Variants in B3GAT2 observed in about 807,000 individuals in gnomAD.
B3GAT2 encodes the protein beta-1,3-glucuronyltransferase 2.
B3GAT2 carries 26 observed loss-of-function variants against 27.8 expected under a neutral mutation model. The ratio of observed to expected loss-of-function variants is 0.93; its 90% CI spans 0.68 to 1.30. The LOEUF is 1.30. Among genes scored for constraint, B3GAT2 ranks in the 50% most tolerant of loss-of-function variants. The probability of loss-of-function intolerance (pLI) is 0.00; values close to 1 mark genes in which losing one functional copy is unlikely to be tolerated. For synonymous variants in B3GAT2, 218 were observed against 195.1 expected (o/e 1.12, Z -0.98); for missense variants, 458 against 459.0 (o/e 1.00, Z 0.02).
intron 1 of B3GAT2, among the ~76,000 whole-genome samples, chr6:70,909,332 CAT>C (rs1315399741): frequency 1.3e-5 from 2 of 152,206 alleles, no homozygotes; most frequent in East Asian, 1.9e-4. Flanking sequence ...ATTTTAATAA[CAT>C]AGATGGGATA....
At chr6:70,875,191 A>G (rs909368887) in intron 2 of B3GAT2, among the ~76,000 whole-genome samples, 2 of 152,108 alleles carry the variant, frequency 1.3e-5, no homozygotes, top group African/African-American at 4.8e-5. Context: ...TCCCAGTACC[A>G]CATTATAGGT....
At chr6:70,880,578 C>T (rs1772085791) in intron 2 of B3GAT2, among the ~76,000 whole-genome samples, 3 of 150,600 alleles carry the variant, frequency 2.0e-5, no homozygotes, top group Admixed American at 2.0e-4. Flanking sequence ...GCCTCGAATC[C>T]CCTGGGCTCA....
intron 1 of B3GAT2, among the ~76,000 whole-genome samples, chr6:70,944,433 T>TAGCTC (rs1215565314): frequency 4.1e-4 from 16 of 39,232 alleles, no homozygotes; most frequent in African/African-American, 1.9e-3. Flanking sequence ...ATCCCACACA[T>TAGCTC]GGCGCCCACG....
chr6:70,911,385 C>T (rs1008230468), intron 1 of B3GAT2, among the ~76,000 whole-genome samples: 8 of 152,066 alleles, frequency 5.3e-5, no homozygotes, highest in Admixed American at 2.6e-4. Context: ...CGATCCATCC[C>T]GAATCACTTA....
At chr6:70,889,020 G>A (rs1227278879) in intron 2 of B3GAT2, among the ~76,000 whole-genome samples, 1 of 152,158 alleles carries the variant, frequency 6.6e-6, no homozygotes, top group African/African-American at 2.4e-5. Flanking sequence ...AAAACTCCTT[G>A]AGGCGAGGGG....
chr6:70,870,565 A>AG (rs1771918148), intron 2 of B3GAT2, among the ~76,000 whole-genome samples: 1 of 151,994 alleles, frequency 6.6e-6, no homozygotes, highest in South Asian at 2.1e-4. Context: ...AGAAAAAAAA[A>AG]GAGTTTTCCT....
intron 1 of B3GAT2, among the ~76,000 whole-genome samples, chr6:70,898,099 C>T (rs1191449615): frequency 6.6e-6 from 1 of 152,116 alleles, no homozygotes; most frequent in Non-Finnish European, 1.5e-5. Flanking sequence ...TGTTATAGAT[C>T]CTTTTTATTT....
intron 1 of B3GAT2, among the ~76,000 whole-genome samples, chr6:70,901,258 G>A (rs925913513): frequency 2.6e-5 from 4 of 152,086 alleles, no homozygotes; most frequent in East Asian, 1.9e-4. Context: ...GGGTAACATC[G>A]ATAGTCATAA....
chr6:70,952,918 TG>T (rs1483198098), intron 1 of B3GAT2, among the ~76,000 whole-genome samples: 1 of 152,222 alleles, frequency 6.6e-6, no homozygotes, highest in African/African-American at 2.4e-5. Context: ...GAACACAGAT[TG>T]CCTGTTGCGT....
chr6:70,878,956 T>C (rs1401056999), intron 2 of B3GAT2, among the ~76,000 whole-genome samples: 1 of 152,046 alleles, frequency 6.6e-6, no homozygotes, highest in Non-Finnish European at 1.5e-5. Context: ...CAGCAGGCAT[T>C]GAAATATACC....
Position 70,856,808 on chromosome 6 carries a change from G to T in B3GAT2, c.*4855C>A. 6.7e-7 allele frequency: 1 copy of T among 1,497,458 alleles called. No individual in the cohort carries two copies. Among genetic ancestry groups the T allele is most frequent in the Non-Finnish European group, 9.0e-7 (1 of 1,116,098 alleles). 92.8% of individuals were successfully genotyped at this position (1,497,458 alleles called of 1,614,324 possible). A position where few individuals can be genotyped will look rare whatever the true frequency, so the allele number is the denominator to read the frequency against. On this transcript the variant is annotated 3_prime_UTR_variant, in exon 4 of 4. Coordinates refer to ENST00000230053, the MANE Select transcript of B3GAT2 (RefSeq NM_080742.3). ...TATTTGGATTTTAAGTAATGGATAA[G>T]CTGCGCTTTACTATGCAGAATTTGA...
intron 1 of B3GAT2, among the ~76,000 whole-genome samples, chr6:70,904,250 T>C (rs192820817): frequency 8.5e-5 from 13 of 152,264 alleles, no homozygotes; most frequent in Admixed American, 2.6e-4. Flanking sequence ...CAAAAGGTCA[T>C]AGGTGACAGG....
At chr6:70,889,543 G>C (rs1562219624) in intron 2 of B3GAT2, among the ~76,000 whole-genome samples, 1 of 152,142 alleles carries the variant, frequency 6.6e-6, no homozygotes, top group Non-Finnish European at 1.5e-5. Flanking sequence ...GCCGACAGAA[G>C]ACAAGTATAA....
At chr6:70,954,915 C>CGT (rs538142193) in intron 1 of B3GAT2, among the ~76,000 whole-genome samples, 2 of 114,960 alleles carry the variant, frequency 1.7e-5, no homozygotes, top group Admixed American at 8.7e-5. Flanking sequence ...CCGGGGGCGG[C>CGT]GGGGGGGGGC....
At position 70,857,966 on chromosome 6, in the gene B3GAT2, C is replaced by T. The variant is rs779152913; in HGVS notation, c.*3697G>A. ...AAATATACCATTTACCTCACAAGCA[C>T]CAGCTGCATTTCAGGGCTTTCCATC... On this transcript the variant is annotated 3_prime_UTR_variant, in exon 4 of 4. Coordinates refer to ENST00000230053, the MANE Select transcript of B3GAT2 (RefSeq NM_080742.3). 2 of 1,614,122 alleles carry T rather than the reference C, an allele frequency of 1.2e-6. No homozygotes were observed. Among genetic ancestry groups the T allele is most frequent in the Non-Finnish European group, 1.7e-6 (2 of 1,180,000 alleles).
At chr6:70,914,177 C>T (rs922467933) in intron 1 of B3GAT2, among the ~76,000 whole-genome samples, 1 of 152,104 alleles carries the variant, frequency 6.6e-6, no homozygotes, top group Non-Finnish European at 1.5e-5. Context: ...TACATGTGCA[C>T]AACATGCAGG....
intron 1 of B3GAT2, among the ~76,000 whole-genome samples, chr6:70,901,356 A>C (rs2150034857): frequency 6.6e-6 from 1 of 152,294 alleles, no homozygotes; most frequent in African/African-American, 2.4e-5. Context: ...TCTCTTATAA[A>C]AGAAACCAGG....
At chr6:70,947,072 A>T (rs1765499151) in intron 1 of B3GAT2, among the ~76,000 whole-genome samples, 1 of 152,112 alleles carries the variant, frequency 6.6e-6, no homozygotes, top group African/African-American at 2.4e-5. Context: ...TCTGGGACAC[A>T]TTCAAAGCAG....
chr6:70,886,348 A>G (rs977667839), intron 2 of B3GAT2, among the ~76,000 whole-genome samples: 1 of 152,222 alleles, frequency 6.6e-6, no homozygotes, highest in African/African-American at 2.4e-5. Flanking sequence ...GAAAGAACAC[A>G]GAATGCTTCC....
Sources: gnomAD v4.1 joint callset for allele counts (sites outside exome capture counted in the v4.1 genomes callset) on GRCh38, gnomAD v4.1.1 for gene constraint, MANE v1.5 for transcripts, NCBI Gene and HGNC (gene_info 2026-07-23, HGNC 2026-07-21) for gene names.